NUP210L: variants seen among roughly 807,000 people sequenced by gnomAD.
NUP210L encodes nuclear pore membrane glycoprotein 210-like.
A neutral mutation model predicts 208.5 loss-of-function variants in NUP210L; 74 were observed. The ratio of observed to expected loss-of-function variants is 0.35; its 90% CI spans 0.29 to 0.43. The LOEUF is 0.43. Among genes scored for constraint, NUP210L ranks in the 20% least tolerant of loss-of-function variants. The pLI, the probability that NUP210L is intolerant of heterozygous loss-of-function variation, is 1.00. For synonymous variants in NUP210L, 780 were observed against 816.9 expected, an observed-to-expected ratio of 0.95 and a Z score of 0.77; for missense variants, 1,843 against 2,289.4, an observed-to-expected ratio of 0.81 and a Z score of 3.98.
At chr1:154,125,635 AAGGAAGGAAGG>A (rs1657866923) in intron 10 of NUP210L, among the ~76,000 whole-genome samples, 4 of 2,742 alleles carry the variant, frequency 1.5e-3, no homozygotes, top group African/African-American at 1.8e-3. Context: ...GGAAGGAAGG[AAGGAAGGAAGG>A]AAGGAAGGAA....
At chr1:154,148,880 G>A (rs953242779) in intron 2 of NUP210L, among the ~76,000 whole-genome samples, 1 of 151,950 alleles carries the variant, frequency 6.6e-6, no homozygotes, top group Non-Finnish European at 1.5e-5. Context: ...AAGGAAGGGA[G>A]GGATGGTAAT....
chr1:154,051,195 T>C (rs1653473846), intron 25 of NUP210L, among the ~76,000 whole-genome samples: 1 of 150,840 alleles, frequency 6.6e-6, no homozygotes, highest in African/African-American at 2.4e-5. Context: ...TACTACAATA[T>C]ATAATGCTAG....
intron 2 of NUP210L, 70 bp downstream of exon 2, chr1:154,152,666 T>TA (rs1659458007): frequency 7.4e-7 from 1 of 1,354,734 alleles, no homozygotes; most frequent in Admixed American, 1.9e-5. Flanking sequence ...TTGTGTTAAC[T>TA]ATCTATACAA....
chr1:154,124,919 C>T (rs1156631057), intron 10 of NUP210L, among the ~76,000 whole-genome samples: 2 of 152,090 alleles, frequency 1.3e-5, no homozygotes, highest in African/African-American at 4.8e-5. Context: ...TGCCATTGCA[C>T]TCCAGCCTGG....
chr1:154,127,795 T>G (rs935234352), intron 8 of NUP210L, among the ~76,000 whole-genome samples: 8 of 152,160 alleles, frequency 5.3e-5, no homozygotes, highest in Non-Finnish European at 8.8e-5. Context: ...CCTCAAGTGA[T>G]CTGCCTGCCT....
chr1:153,992,729 A>G, exon 40 of NUP210L: 2 of 738,822 alleles, frequency 2.7e-6, no homozygotes, highest in East Asian at 2.5e-5. Context: ...TATAGTTCTC[A>G]GAAGCCTTAT....
chr1:154,109,912 G>C (rs554949167), intron 12 of NUP210L, among the ~76,000 whole-genome samples: 16 of 151,236 alleles, frequency 1.1e-4, no homozygotes, highest in African/African-American at 3.7e-4. Flanking sequence ...GTACTAAGAG[G>C]AAAGTTTATA....
chr1:154,023,387 G>A, intron 30 of NUP210L, 90 bp from the exon 31 acceptor site: 1 of 1,043,772 alleles, frequency 9.6e-7, no homozygotes, highest in Non-Finnish European at 1.4e-6. Context: ...ATGATAAAGA[G>A]TGATGTTTCT....
At chr1:154,155,062 G>A (rs751283748) in exon 1 of NUP210L, 4 of 1,573,710 alleles carry the variant, frequency 2.5e-6, no homozygotes, top group African/African-American at 1.4e-5. Flanking sequence ...GCCAGGTCTC[G>A]GGTTCCCGCT....
intron 16 of NUP210L, among the ~76,000 whole-genome samples, chr1:154,075,292 T>C (rs1302939865): frequency 6.6e-6 from 1 of 152,182 alleles, no homozygotes; most frequent in Non-Finnish European, 1.5e-5. Flanking sequence ...AGCTCTCATA[T>C]ATATGTGAGA....
chr1:154,152,703 A>AAGTG, intron 2 of NUP210L, 33 bp downstream of exon 2: 1 of 1,593,726 alleles, frequency 6.3e-7, no homozygotes, highest in Non-Finnish European at 8.6e-7. Flanking sequence ...ACCCCAGAAG[A>AAGTG]AGTGATACAT....
intron 20 of NUP210L, 41 bp from the exon 21 acceptor site, chr1:154,058,734 T>C: frequency 1.9e-6 from 3 of 1,602,326 alleles, no homozygotes; most frequent in African/African-American, 2.7e-5. Flanking sequence ...GAAGCAAACA[T>C]GCTCCAAGCA....
intron 37 of NUP210L, chr1:153,995,788 C>T: frequency 1.5e-6 from 1 of 659,058 alleles, no homozygotes; most frequent in South Asian, 1.4e-5. Flanking sequence ...CCCAGGCAGA[C>T]TTCAAGGGAT....
Position 153,993,221 on chromosome 1 carries a change from A to T in NUP210L, c.5492-132T>A, listed in dbSNP as rs540621928. On this transcript the variant is annotated intron_variant, in intron 38 of 39. Transcript: ENST00000368559. ...TAATAGTAATGGCACTATTACAGGA[A>T]GTTTTTATCCCAATTTAACCCATTT... 7.0e-5 allele frequency: 42 copies of T among 599,772 alleles called. 1 individual carries two copies. The South Asian group carries it at 1.1e-3, about 16-fold the overall frequency. 37.2% of individuals were successfully genotyped at this position (599,772 alleles called of 1,614,324 possible). A position where few individuals can be genotyped will look rare whatever the true frequency, so the allele number is the denominator to read the frequency against.
intron 33 of NUP210L, among the ~76,000 whole-genome samples, chr1:154,018,025 A>C (rs2147921310): frequency 6.6e-6 from 1 of 151,482 alleles, no homozygotes; most frequent in African/African-American, 2.4e-5. Flanking sequence ...AGGCTGGAGT[A>C]CAGTGGCTTG....
intron 12 of NUP210L, among the ~76,000 whole-genome samples, chr1:154,114,992 C>A (rs780291987): frequency 2.0e-5 from 3 of 152,120 alleles, no homozygotes; most frequent in African/African-American, 7.2e-5. Flanking sequence ...TCAATCAAAT[C>A]GGATTGATTT....
chr1:154,107,349 C>T (rs1656818415), intron 12 of NUP210L, among the ~76,000 whole-genome samples: 1 of 151,866 alleles, frequency 6.6e-6, no homozygotes, highest in Non-Finnish European at 1.5e-5. Flanking sequence ...TGGCGGGCGC[C>T]TGTAGTCCCA....
At chr1:154,138,013 A>G (rs1658635015) in intron 6 of NUP210L, 93 bp downstream of exon 6, 5 of 895,506 alleles carry the variant, frequency 5.6e-6, no homozygotes, top group Non-Finnish European at 6.5e-6. Flanking sequence ...TAAAAACACA[A>G]GTATTTTTCA....
intron 10 of NUP210L, among the ~76,000 whole-genome samples, chr1:154,124,201 A>G (rs1331936679): frequency 9.3e-5 from 14 of 151,170 alleles, no homozygotes; most frequent in Non-Finnish European, 5.9e-5. Context: ...AGAAAAAAAA[A>G]AAAAAAGAGA....
Sources: allele counts gnomAD v4.1 joint callset (sites outside exome capture counted in the v4.1 genomes callset), GRCh38; gene constraint gnomAD v4.1.1; transcripts MANE v1.5; gene names NCBI Gene and HGNC (gene_info 2026-07-23, HGNC 2026-07-21).